The following NKTR variants were observed in gnomAD, a reference collection of about 807,000 sequenced individuals.
NKTR encodes the protein natural killer cell triggering receptor.
In NKTR, 67 loss-of-function variants were observed where a neutral mutation model predicts 156.3. The observed-to-expected ratio is 0.43, with a 90% CI of 0.35 to 0.53. NKTR has a LOEUF of 0.53. Among genes scored for constraint, NKTR ranks in the 20% least tolerant of loss-of-function variants. NKTR has a pLI of 0.01. For missense variants in NKTR, 1,604 were observed against 1,730.9 expected, an observed-to-expected ratio of 0.93 and a Z score of 1.30; for synonymous variants, 640 against 596.6, an observed-to-expected ratio of 1.07 and a Z score of -1.06.
chr3:42,641,177 G>A (rs1709854925), intron 13 of NKTR, among the ~76,000 whole-genome samples: 1 of 152,138 alleles, frequency 6.6e-6, no homozygotes, highest in Non-Finnish European at 1.5e-5. Context: ...CCCCCATTAG[G>A]CTGTGAACTC....
At chr3:42,643,259 C>A in intron 14 of NKTR, 80 bp from the exon 15 acceptor site, 2 of 1,096,684 alleles carry the variant, frequency 1.8e-6, no homozygotes, top group Non-Finnish European at 2.7e-6. Context: ...CCTTGATGGG[C>A]AAATAAATGT....
At chr3:42,624,177 T>C (rs1708159490) in intron 6 of NKTR, among the ~76,000 whole-genome samples, 1 of 152,100 alleles carries the variant, frequency 6.6e-6, no homozygotes, top group African/African-American at 2.4e-5. Context: ...TTTTCTTCTA[T>C]AAATCTATTT....
intron 6 of NKTR, among the ~76,000 whole-genome samples, chr3:42,621,997 ATGT>A (rs1356855971): frequency 1.3e-5 from 2 of 151,860 alleles, no homozygotes; most frequent in Non-Finnish European, 2.9e-5. Flanking sequence ...TTATTTTCTG[ATGT>A]TGTATAGAGA....
intron 6 of NKTR, chr3:42,628,686 C>G (rs1708615742): frequency 1.0e-6 from 1 of 985,246 alleles, no homozygotes; most frequent in African/African-American, 1.7e-5. Context: ...ATCCCTTACA[C>G]TGTAGAAAAA....
chr3:42,622,544 T>G (rs1161468411), intron 6 of NKTR, among the ~76,000 whole-genome samples: 4 of 152,076 alleles, frequency 2.6e-5, no homozygotes, highest in African/African-American at 9.7e-5. Flanking sequence ...TATTTCTACA[T>G]GATCTGATAA....
At position 42,637,700 on chromosome 3, in the gene NKTR, A is replaced by G. The variant is rs745432348; in HGVS notation, c.1996A>G (p.Lys666Glu). The change falls in exon 13 of 17, where the codon AAA (lysine) becomes GAA (glutamate). Residue 666 changes from lysine (K) to glutamate (E), a missense_variant. Physicochemically the swap from Lys to Glu is moderately conservative, Grantham distance 56. Coordinates refer to ENST00000232978, the MANE Select transcript of NKTR (RefSeq NM_005385.4). ...GACTGGTAGCTCATCATCCTACCAT[A>G]AAAGAGAAAAAAATTCGGAAAGTGA... Reference protein sequence around the residue: ...KETGSSSSYHKREKNSESDQS... With the variant: ...KETGSSSSYHEREKNSESDQS... The G allele has an allele frequency of 2.5e-6, 4 of 1,614,112 alleles. No individual in the cohort carries two copies. The highest frequency in any genetic ancestry group is 2.2e-5 in the East Asian group (1 of 44,888).
intron 2 of NKTR, among the ~76,000 whole-genome samples, chr3:42,616,823 G>A (rs1184690288): frequency 1.3e-5 from 2 of 152,178 alleles, no homozygotes; most frequent in Non-Finnish European, 2.9e-5. Flanking sequence ...CTCACTGCAT[G>A]ATCATAGCTC....
Position 42,604,659 on chromosome 3 carries a change from C to CTTTTTTTTTTT in NKTR, c.58+3624_58+3634dup, listed in dbSNP as rs71072726. On this transcript the variant is annotated intron_variant, in intron 2 of 16. Coordinates refer to ENST00000232978, the MANE Select transcript of NKTR (RefSeq NM_005385.4). Reference sequence around the variant, plus strand: ...AATTGTGGATTTATCTATTTCTCTCCTTTTTTTTTTTTTTTTTTTTTTTTT... The same window carrying CTTTTTTTTTTT: ...AATTGTGGATTTATCTATTTCTCTCCTTTTTTTTTTTTTTTTTTTTTTTTTTTTTTTTTTTT... Among the ~76,000 whole-genome samples, 45 of 45,294 alleles carry CTTTTTTTTTTT rather than the reference C, an allele frequency of 9.9e-4. 11 individuals carry two copies. The highest frequency in any genetic ancestry group is 1.6e-3 in the Non-Finnish European group (39 of 25,130). 29.7% of individuals were successfully genotyped at this position (45,294 alleles called of 152,430 possible).
Position 42,637,239 on chromosome 3 carries a change from C to T in NKTR, c.1535C>T (p.Thr512Ile), listed in dbSNP as rs1344670634. The change falls in exon 13 of 17, where the codon ACC becomes ATC. Residue 512 changes from threonine to isoleucine, a missense_variant. Transcript: ENST00000232978. ...GATAAGGATGTCCAGAGCTCTTTAA[C>T]CCATTCCAGCAGAGACTCATACAGA... ...KSDKDVQSSL[T>I]HSSRDSYRSK... The T allele has an allele frequency of 6.2e-7, 1 of 1,611,626 alleles. No individual in the cohort carries two copies. The highest frequency in any genetic ancestry group is 1.3e-5 in the African/African-American group (1 of 74,722).
At chr3:42,610,454 AAT>A (rs1420688027) in intron 2 of NKTR, among the ~76,000 whole-genome samples, 1 of 152,002 alleles carries the variant, frequency 6.6e-6, no homozygotes, top group African/African-American at 2.4e-5. Context: ...AATATCTGAG[AAT>A]ATGTGTGTCA....
In NKTR at chr3:42,633,616, A is replaced by G; in HGVS notation, c.810A>G (p.Ser270=). The change falls in exon 10 of 17, where the codon TCA becomes TCG. Residue 270 remains serine, a synonymous_variant. Transcript: ENST00000232978. ...SERSDTNEKR[S]VDSSAKREKP... is the part of the protein sequence containing the mutation. ...GGAGTGATACCAATGAAAAAAGGTC[A>G]GTTGATTCCAGTGCTAAAAGGGAAA... The G allele has an allele frequency of 6.2e-7, 1 of 1,614,160 alleles. No individual in the cohort carries two copies. The highest frequency in any genetic ancestry group is 8.5e-7 in the Non-Finnish European group (1 of 1,180,014).
rs1707740559 is a variant in NKTR at position 42,619,825 on chromosome 3, C to T, written c.286+117C>T. ...GTTCACTTTTTGCATGAAACTAATG[C>T]TGCATGAAAATACTTTATTTGCATG... is the stretch of plus-strand genomic sequence containing the variant. On this transcript the variant is annotated intron_variant, in intron 5 of 16. Transcript: ENST00000232978. The T allele has an allele frequency of 5.3e-6, 8 of 1,508,288 alleles. No individual in the cohort carries two copies. In the South Asian group the frequency reaches 1.1e-4, roughly 21 times the overall value. 93.4% of individuals were successfully genotyped at this position (1,508,288 alleles called of 1,614,324 possible). A position where few individuals can be genotyped will look rare whatever the true frequency, so the allele number is the denominator to read the frequency against.
In NKTR at chr3:42,631,683, C is replaced by T. The variant is rs754670227; in HGVS notation, c.550+367C>T. On this transcript the variant is annotated intron_variant, in intron 8 of 16. Coordinates refer to ENST00000232978, the MANE Select transcript of NKTR (RefSeq NM_005385.4). ...CAGCAACCAGAGTGATCCCTTTGAA[C>T]CATAGTTTGCATTCATGTCACGCCT... Among the ~76,000 whole-genome samples, 37 of 152,160 alleles carry T rather than the reference C, an allele frequency of 2.4e-4. 1 individual carries two copies. The highest frequency in any genetic ancestry group is 1.3e-4 in the Admixed American group (2 of 15,274).
chr3:42,633,229 A>G, intron 9 of NKTR: 1 of 498,622 alleles, frequency 2.0e-6, no homozygotes, highest in Non-Finnish European at 2.8e-6. Flanking sequence ...TTGTAGAGAC[A>G]GGGTCTTCCG....
At chr3:42,641,536 T>C (rs181322995) in intron 13 of NKTR, among the ~76,000 whole-genome samples, 5 of 152,282 alleles carry the variant, frequency 3.3e-5, no homozygotes, top group Non-Finnish European at 7.4e-5. Flanking sequence ...ATGATAAAAG[T>C]ATAAAAAGCT....
At position 42,601,056 on chromosome 3, in the gene NKTR, G is replaced by A; in HGVS notation, c.50G>A (p.Arg17Gln). 6.3e-7 allele frequency: 1 copy of A among 1,576,744 alleles called. No homozygotes were observed. Among genetic ancestry groups the A allele is most frequent in the South Asian group, 1.2e-5 (1 of 85,756 alleles). Residue 17 changes from arginine (R) to glutamine (Q), a missense_variant, in exon 2 of 17, where the codon CGG (arginine) becomes CAG (glutamine). Arg to Gln is a conservative substitution (Grantham distance 43). Around this residue, in one of 6 missense-constraint regions of NKTR, gnomAD observed 73 missense variants for 90.7 expected, o/e 0.80. Transcript: ENST00000232978. Reference protein sequence around the residue: ...PQCHFDIEINREPVGRIMFQL... With the variant: ...PQCHFDIEINQEPVGRIMFQL... ...TGCCACTTCGACATCGAGATCAACC[G>A]GGAGCCGGGTGAGCTGGAAACTGGG...
intron 15 of NKTR, 85 bp downstream of exon 15, chr3:42,643,480 T>C (rs562907527): frequency 9.0e-7 from 1 of 1,110,120 alleles, no homozygotes; most frequent in African/African-American, 1.5e-5. Context: ...TGGTATTTTA[T>C]TGAGTAACTA....
intron 2 of NKTR, chr3:42,611,219 T>C (rs1474259411): frequency 6.6e-6 from 1 of 152,068 alleles, no homozygotes; most frequent in Non-Finnish European, 1.5e-5. Flanking sequence ...CTCTTTTGAG[T>C]TTTTGCTTGT....
chr3:42,622,718 A>G (rs1427540231), intron 6 of NKTR, among the ~76,000 whole-genome samples: 4 of 152,002 alleles, frequency 2.6e-5, no homozygotes, highest in South Asian at 4.1e-4. Context: ...GTGATTTTCT[A>G]TTCTTAACCT....
Sources: allele counts gnomAD v4.1 joint callset (sites outside exome capture counted in the v4.1 genomes callset), GRCh38; gene constraint gnomAD v4.1.1; regional missense constraint gnomAD v4.1.1; transcripts MANE v1.5; gene names NCBI Gene and HGNC (gene_info 2026-07-23, HGNC 2026-07-21).